FXYD5: variants seen among roughly 807,000 people sequenced by gnomAD.
FXYD5 encodes FXYD domain-containing ion transport regulator 5.
FXYD5 carries 21 observed loss-of-function variants against 25.7 expected under a neutral mutation model. That is an observed-to-expected ratio of 0.82 (90% confidence interval 0.58 to 1.18). The LOEUF is 1.18. Ranked by LOEUF, FXYD5 falls within the 50% of genes most tolerant of loss-of-function variation. The pLI is 0.00. For missense variants in FXYD5, 229 were observed against 227.7 expected (o/e 1.01, Z -0.04); for synonymous variants, 101 against 90.7 (o/e 1.11, Z -0.64).
Position 35,162,584 on chromosome 19 carries a change from G to A in FXYD5, c.293-1572G>A, listed in dbSNP as rs373101831. Among the ~76,000 whole-genome samples the A allele has an allele frequency of 8.1e-4, 124 of 152,160 alleles. 2 individuals are homozygous for A. The highest frequency in any genetic ancestry group is 2.8e-3 in the African/African-American group (116 of 41,508). On this transcript the variant is annotated intron_variant, in intron 5 of 8. Coordinates refer to ENST00000392219, the MANE Select transcript of FXYD5 (RefSeq NM_014164.6). The stretch of plus-strand genomic sequence containing the variant: ...TGAGCTTGAAAGCAAGCTCTCTGGT[G>A]TCTTCTTATAAGGGCACTAATCCCA...
chr19:35,155,592 C>A lies in FXYD5; in HGVS notation c.42C>A (p.Gly14=), dbSNP rs768999659. Residue 14 remains glycine, a synonymous_variant, in exon 2 of 9, where the codon GGC becomes GGA. Coordinates refer to ENST00000392219, the MANE Select transcript of FXYD5 (RefSeq NM_014164.6). ...SGRLCLLTIV[G]LILPTRGQTL... The stretch of plus-strand genomic sequence containing the variant: ...GCCTGTGTCTTCTCACCATCGTTGG[C>A]CTGATTCTCCCCACCAGAGGTAAGA... 1.5e-5 allele frequency: 24 copies of A among 1,609,962 alleles called. No individual in the cohort carries two copies. The highest frequency in any genetic ancestry group is 2.0e-5 in the Non-Finnish European group (23 of 1,179,208).
intron 6 of FXYD5, 71 bp downstream of exon 6, chr19:35,164,316 AC>A: frequency 7.0e-7 from 1 of 1,430,374 alleles, no homozygotes; most frequent in South Asian, 1.3e-5. Context: ...CACCTGGAGT[AC>A]AGCCCAGCAC....
intron 2 of FXYD5, 45 bp from the exon 3 acceptor site, chr19:35,157,376 A>C: frequency 9.8e-7 from 1 of 1,023,180 alleles, no homozygotes; most frequent in South Asian, 1.3e-5. Context: ...TGGTGAGAGG[A>C]GGGGGACCAG....
chr19:35,157,611 A>T (rs1047915556), intron 3 of FXYD5, 110 bp downstream of exon 3: 1 of 650,964 alleles, frequency 1.5e-6, no homozygotes, highest in Non-Finnish European at 2.8e-6. Context: ...GTAACGAAAA[A>T]GTCCAGGTAC....
chr19:35,164,926 G>A (rs988867348), intron 6 of FXYD5, among the ~76,000 whole-genome samples: 2 of 152,220 alleles, frequency 1.3e-5, no homozygotes, highest in African/African-American at 4.8e-5. Flanking sequence ...TAGGGTTAGA[G>A]AGTGACTGGG....
At chr19:35,164,646 C>T (rs2065435177) in intron 6 of FXYD5, among the ~76,000 whole-genome samples, 1 of 152,130 alleles carries the variant, frequency 6.6e-6, no homozygotes, top group Non-Finnish European at 1.5e-5. Context: ...ATCTTATCCA[C>T]CACTTCCTGC....
intron 4 of FXYD5, chr19:35,159,543 C>G (rs1217400582): frequency 6.4e-7 from 1 of 1,550,528 alleles, no homozygotes; most frequent in Non-Finnish European, 8.7e-7. Context: ...TATGGAGTCA[C>G]ACACTTCTTG....
At chr19:35,155,682 G>T in intron 2 of FXYD5, 71 bp downstream of exon 2, 1 of 1,148,146 alleles carries the variant, frequency 8.7e-7, no homozygotes, top group South Asian at 1.2e-5. Context: ...GTGCTGCGGG[G>T]TGGGTGGTTG....
intron 8 of FXYD5, 46 bp downstream of exon 8, chr19:35,166,371 G>C (rs2065451498): frequency 8.0e-7 from 1 of 1,254,074 alleles, no homozygotes; most frequent in African/African-American, 1.5e-5. Context: ...CCAGGAGGGG[G>C]ACTTATGACG....
chr19:35,160,825 C>A (rs1213744283), intron 5 of FXYD5, 24 bp downstream of exon 5: 1 of 1,461,106 alleles, frequency 6.8e-7, no homozygotes, highest in Non-Finnish European at 9.6e-7. Context: ...CTGAGAGCAG[C>A]AGCCTACGAT....
rs765508688 is a variant in FXYD5 at position 35,169,795 on chromosome 19, G to A, written c.*180G>A. On this transcript the variant is annotated 3_prime_UTR_variant, in exon 9 of 9. Transcript: ENST00000392219. ...TCTCCTACCTCCCCCAACCCTGCCC[G>A]CCCCTGAAGGCTACCTGGCGCCTTG... 1.5e-4 allele frequency: 91 copies of A among 597,072 alleles called. No individual in the cohort carries two copies. The highest frequency in any genetic ancestry group is 2.4e-4 in the Non-Finnish European group (80 of 334,578). 37.0% of individuals were successfully genotyped at this position (597,072 alleles called of 1,614,324 possible).
At chr19:35,158,451 T>C (rs781185901) in intron 4 of FXYD5, 51 bp downstream of exon 4, 16 of 1,063,190 alleles carry the variant, frequency 1.5e-5, no homozygotes, top group Non-Finnish European at 2.4e-5. Flanking sequence ...CAAACAAAGT[T>C]TCCCCTCTTC....
chr19:35,160,846 T>G, intron 5 of FXYD5, 45 bp downstream of exon 5: 1 of 1,197,972 alleles, frequency 8.3e-7, no homozygotes, highest in Non-Finnish European at 1.2e-6. Flanking sequence ...TTTTGTTTAA[T>G]TCTCTATCTA....
At chr19:35,161,452 G>C (rs10425979) in intron 5 of FXYD5, among the ~76,000 whole-genome samples, 3 of 152,164 alleles carry the variant, frequency 2.0e-5, no homozygotes, top group Admixed American at 6.5e-5. Flanking sequence ...GGTGGCTAGA[G>C]AACAAAATCT....
intron 6 of FXYD5, among the ~76,000 whole-genome samples, chr19:35,164,517 A>G (rs2065434177): frequency 6.6e-6 from 1 of 152,212 alleles, no homozygotes; most frequent in Non-Finnish European, 1.5e-5. Flanking sequence ...TTGGAAATCT[A>G]GGGTGTGCTC....
chr19:35,156,599 T>C (rs2065358033), intron 2 of FXYD5, among the ~76,000 whole-genome samples: 1 of 152,102 alleles, frequency 6.6e-6, no homozygotes, highest in Admixed American at 6.5e-5. Context: ...TTTGCAGGTG[T>C]CTGGGGGCTG....
chr19:35,156,153 C>A (rs1435369546), intron 2 of FXYD5, among the ~76,000 whole-genome samples: 1 of 152,134 alleles, frequency 6.6e-6, no homozygotes, highest in African/African-American at 2.4e-5. Context: ...TGTTGTCTTG[C>A]CCATTTTACT....
At chr19:35,158,771 T>G (rs1342509570) in intron 4 of FXYD5, among the ~76,000 whole-genome samples, 4 of 152,180 alleles carry the variant, frequency 2.6e-5, no homozygotes, top group Non-Finnish European at 4.4e-5. Context: ...ATCTCTTTTT[T>G]CTCTGATCCC....
chr19:35,159,513 A>G (rs2145415199), intron 4 of FXYD5: 1 of 1,550,136 alleles, frequency 6.5e-7, no homozygotes, highest in South Asian at 1.2e-5. Flanking sequence ...GGTATTCCAC[A>G]AGGCGCCTAT....
Sources: gnomAD v4.1 joint callset for allele counts (sites outside exome capture counted in the v4.1 genomes callset) on GRCh38, gnomAD v4.1.1 for gene constraint, MANE v1.5 for transcripts, NCBI Gene and HGNC (gene_info 2026-07-23, HGNC 2026-07-21) for gene names.